CEP350: variants seen among roughly 807,000 people sequenced by gnomAD.
CEP350 encodes centrosomal protein 350.
Under a neutral mutation model 331.8 loss-of-function variants are expected in CEP350, and 126 were observed. The ratio of observed to expected loss-of-function variants is 0.38; its 90% CI spans 0.33 to 0.44. The LOEUF (loss-of-function observed/expected upper bound fraction) is 0.44. Among genes scored for constraint, CEP350 ranks in the 20% least tolerant of loss-of-function variants. The pLI, the probability that CEP350 is intolerant of heterozygous loss-of-function variation, is 1.00. For missense variants in CEP350, 3,406 were observed against 3,634.6 expected, an observed-to-expected ratio of 0.94 and a Z score of 1.62; for synonymous variants, 1,200 against 1,259.5, an observed-to-expected ratio of 0.95 and a Z score of 1.00.
intron 32 of CEP350, among the ~76,000 whole-genome samples, chr1:180,090,034 G>T (rs1660076260): frequency 6.6e-6 from 1 of 152,186 alleles, no homozygotes; most frequent in African/African-American, 2.4e-5. Context: ...GAATAAGAGA[G>T]GACAGTAATA....
chr1:179,975,165 T>C (rs1651766971), intron 1 of CEP350, among the ~76,000 whole-genome samples: 1 of 152,082 alleles, frequency 6.6e-6, no homozygotes, highest in African/African-American at 2.4e-5. Context: ...GAAAAGACAA[T>C]GTGGAGATAA....
rs1653470860 is a variant in CEP350 at position 179,996,568 on chromosome 1, A to G, written c.411A>G (p.Ala137=). 1 of 1,563,296 alleles carries G rather than the reference A, an allele frequency of 6.4e-7. No homozygotes were observed. Among genetic ancestry groups the G allele is most frequent in the Admixed American group, 1.9e-5 (1 of 52,098 alleles). The change falls in exon 6 of 38, where the codon GCA becomes GCG. Residue 137 remains alanine, a synonymous_variant. Coordinates refer to ENST00000367607, the MANE Select transcript of CEP350 (RefSeq NM_014810.5). The part of the protein sequence containing the change: ...PLVSYREIHG[A]PSNFSSSHLE... ...TTTATTGTAGGGAAATCCATGGTGC[A>G]CCTTCCAATTTCAGTTCCAGCCATC...
chr1:179,986,289 C>A, intron 2 of CEP350, 35 bp downstream of exon 2: 4 of 1,424,884 alleles, frequency 2.8e-6, no homozygotes, highest in Non-Finnish European at 3.9e-6. Flanking sequence ...AACTTAATAC[C>A]TCATTTAGGT....
chr1:180,048,197 G>T (rs1211106185), intron 21 of CEP350, among the ~76,000 whole-genome samples: 1 of 152,176 alleles, frequency 6.6e-6, no homozygotes, highest in Non-Finnish European at 1.5e-5. Flanking sequence ...GATAAATCGT[G>T]ATGTTAATGA....
At chr1:180,050,673 C>CAAAAAAAAAA (rs4058356) in intron 22 of CEP350, among the ~76,000 whole-genome samples, 39 of 83,842 alleles carry the variant, frequency 4.7e-4, no homozygotes, top group Middle Eastern at 6.3e-3. Context: ...CCAAAAAAAC[C>CAAAAAAAAAA]AAAAAAAAAA....
Position 180,020,195 on chromosome 1 carries a change from A to G in CEP350, c.2421A>G (p.Thr807=). 1 of 1,614,050 alleles carries G rather than the reference A, an allele frequency of 6.2e-7. No homozygotes were observed. Among genetic ancestry groups the G allele is most frequent in the Non-Finnish European group, 8.5e-7 (1 of 1,179,908 alleles). The part of the protein sequence containing the change: ...QPYVTSPAAY[T]DALLKPSASQ... ...ATGTGACCTCACCAGCTGCTTATACAGATGCCTTGTTAAAACCTAGTGCCA... is the reference window on the plus strand; with the variant it reads ...ATGTGACCTCACCAGCTGCTTATACGGATGCCTTGTTAAAACCTAGTGCCA... The change falls in exon 12 of 38, where the codon ACA becomes ACG. Residue 807 remains threonine, a synonymous_variant. Transcript: ENST00000367607.
chr1:179,957,371 A>G (rs1448013016), intron 1 of CEP350, among the ~76,000 whole-genome samples: 2 of 149,788 alleles, frequency 1.3e-5, no homozygotes, highest in Non-Finnish European at 3.0e-5. Context: ...TAAAAAAATC[A>G]TCAGATTGCA....
intron 16 of CEP350, 30 bp downstream of exon 16, chr1:180,034,112 A>C: frequency 1.9e-6 from 3 of 1,587,250 alleles, no homozygotes; most frequent in Non-Finnish European, 2.6e-6. Context: ...TGTAATTTTT[A>C]GAATACGATA....
chr1:180,054,080 G>T lies in CEP350; in HGVS notation c.5174+146G>T, dbSNP rs1657669549. On this transcript the variant is annotated intron_variant, in intron 24 of 37. Transcript: ENST00000367607. The stretch of plus-strand genomic sequence containing the variant: ...AAATAACGGCAGTCATACTTGATTT[G>T]TATTTCTTTCAAGACCTCCTCCTAC... 41 of 649,066 alleles carry T rather than the reference G, an allele frequency of 6.3e-5. No individual in the cohort carries two copies. In the South Asian group the frequency reaches 1.1e-3, roughly 18 times the overall value. The allele number at this position is 649,066 out of a possible 1,614,324, so 40.2% of individuals were successfully genotyped here.
intron 14 of CEP350, among the ~76,000 whole-genome samples, chr1:180,027,817 G>A (rs1251831004): frequency 6.6e-6 from 1 of 151,918 alleles, no homozygotes; most frequent in Non-Finnish European, 1.5e-5. Context: ...TTATGCATTA[G>A]TCTGTTTTTT....
intron 27 of CEP350, among the ~76,000 whole-genome samples, chr1:180,071,988 A>G (rs564626231): frequency 8.1e-4 from 123 of 152,222 alleles, no homozygotes; most frequent in Admixed American, 2.1e-3. Context: ...ATCATTCACA[A>G]TTTTTATTTC....
At chr1:179,976,173 A>C (rs1288504945) in intron 1 of CEP350, among the ~76,000 whole-genome samples, 1 of 152,132 alleles carries the variant, frequency 6.6e-6, no homozygotes, top group African/African-American at 2.4e-5. Context: ...GACAGATACA[A>C]TTCTTTTTTA....
chr1:180,085,214 A>G (rs1659794925), intron 31 of CEP350, among the ~76,000 whole-genome samples: 2 of 151,424 alleles, frequency 1.3e-5, no homozygotes, highest in Non-Finnish European at 2.9e-5. Flanking sequence ...TGCTATTTGA[A>G]TAGCTTCTAA....
chr1:180,026,882 T>G (rs1160856679), intron 14 of CEP350, among the ~76,000 whole-genome samples: 5 of 152,256 alleles, frequency 3.3e-5, no homozygotes, highest in Non-Finnish European at 7.3e-5. Context: ...TGATGGACAT[T>G]TTGGTATTTT....
chr1:180,098,322 G>T (rs1660606706), intron 36 of CEP350, among the ~76,000 whole-genome samples: 1 of 94,206 alleles, frequency 1.1e-5, no homozygotes, highest in South Asian at 4.5e-4. Flanking sequence ...TTAATCAGTG[G>T]GTTTTACTTT....
intron 21 of CEP350, among the ~76,000 whole-genome samples, chr1:180,047,050 A>G (rs1245480370): frequency 4.6e-5 from 7 of 152,244 alleles, no homozygotes; most frequent in Admixed American, 4.6e-4. Context: ...AAAAAACAGT[A>G]TGAACACAGG....
At chr1:180,071,212 CT>C in intron 27 of CEP350, among the ~76,000 whole-genome samples, 1 of 149,276 alleles carries the variant, frequency 6.7e-6, no homozygotes, top group African/African-American at 2.5e-5. Context: ...AATCCCACTA[CT>C]TTGGGAGGCC....
intron 22 of CEP350, chr1:180,052,418 T>C (rs1357926053): frequency 3.1e-6 from 1 of 327,640 alleles, no homozygotes; most frequent in Non-Finnish European, 5.9e-6. Context: ...TCTAGGGCTG[T>C]AGGGAAAATA....
At chr1:179,963,407 T>C (rs1044366432) in intron 1 of CEP350, among the ~76,000 whole-genome samples, 1 of 152,158 alleles carries the variant, frequency 6.6e-6, no homozygotes, top group Non-Finnish European at 1.5e-5. Flanking sequence ...GAAGAGTTTT[T>C]CCTAGGTTTT....
Sources: gnomAD v4.1 joint callset for allele counts (sites outside exome capture counted in the v4.1 genomes callset) on GRCh38, gnomAD v4.1.1 for gene constraint, MANE v1.5 for transcripts, NCBI Gene and HGNC (gene_info 2026-07-23, HGNC 2026-07-21) for gene names.